The following ZFR2 variants were observed in gnomAD, a reference collection of about 807,000 sequenced individuals.
The protein encoded by ZFR2 is zinc finger RNA-binding protein 2.
In ZFR2, 104 loss-of-function variants were observed where a neutral mutation model predicts 105.7. The ratio of observed to expected loss-of-function variants is 0.98; its 90% CI spans 0.84 to 1.16. The LOEUF (loss-of-function observed/expected upper bound fraction) is 1.16, where lower values mean the gene tolerates loss of function less well. Ranked by LOEUF, ZFR2 falls within the 50% of genes most tolerant of loss-of-function variation. The pLI, the probability that ZFR2 is intolerant of heterozygous loss-of-function variation, is 0.00. For synonymous variants in ZFR2, 634 were observed against 597.7 expected, an observed-to-expected ratio of 1.06 and a Z score of -0.89; for missense variants, 1,425 against 1,355.5, an observed-to-expected ratio of 1.05 and a Z score of -0.80.
At chr19:3,809,500 C>T (rs2037738489) in intron 16 of ZFR2, among the ~76,000 whole-genome samples, 1 of 152,200 alleles carries the variant, frequency 6.6e-6, no homozygotes, top group Non-Finnish European at 1.5e-5. Flanking sequence ...CCTCCCACAG[C>T]ACTGTGTGGG....
Position 3,856,948 on chromosome 19 carries a change from C to A in ZFR2, c.53+12017G>T, listed in dbSNP as rs563330193. The A allele has an allele frequency of 3.6e-4, 55 of 152,050 alleles. 3 individuals are homozygous for A. 9.4% of individuals were successfully genotyped at this position (152,050 alleles called of 1,614,324 possible). A position where few individuals can be genotyped will look rare whatever the true frequency, so the allele number is the denominator to read the frequency against. On this transcript the variant is annotated intron_variant, in intron 1 of 18. Coordinates refer to ENST00000262961, the MANE Select transcript of ZFR2 (RefSeq NM_015174.2). ...TTTCACCATGTTGGCCAGGCTGGCT[C>A]GAACTCCTCACCTCAAGTGATCCGT...
At chr19:3,863,624 C>G (rs1471425976) in intron 1 of ZFR2, among the ~76,000 whole-genome samples, 2 of 152,136 alleles carry the variant, frequency 1.3e-5, no homozygotes, top group African/African-American at 4.8e-5. Context: ...GGATGTAGCC[C>G]TAAACCACTA....
At chr19:3,859,687 C>A (rs535732567) in intron 1 of ZFR2, among the ~76,000 whole-genome samples, 17 of 152,318 alleles carry the variant, frequency 1.1e-4, no homozygotes, top group African/African-American at 3.8e-4. Context: ...GAGGCTAATG[C>A]GTCCAGTCAA....
chr19:3,847,867 A>T (rs558936948), intron 1 of ZFR2, among the ~76,000 whole-genome samples: 28 of 152,118 alleles, frequency 1.8e-4, no homozygotes, highest in Non-Finnish European at 1.5e-4. Flanking sequence ...ATCAGGCTCC[A>T]CTCCTGGAGC....
chr19:3,862,672 C>T (rs1021597237), intron 1 of ZFR2, among the ~76,000 whole-genome samples: 3 of 152,214 alleles, frequency 2.0e-5, no homozygotes, highest in Admixed American at 6.5e-5. Context: ...TACCTAATTC[C>T]TTGTATAGGA....
intron 2 of ZFR2, 97 bp from the exon 3 acceptor site, chr19:3,833,875 G>C: frequency 1.1e-6 from 1 of 942,020 alleles, no homozygotes; most frequent in Middle Eastern, 3.1e-4. Context: ...TCTGCACTTA[G>C]TCCTTCCTGC....
chr19:3,843,255 G>GA (rs1358457024), intron 1 of ZFR2, among the ~76,000 whole-genome samples: 1 of 149,550 alleles, frequency 6.7e-6, no homozygotes, highest in East Asian at 2.0e-4. Context: ...CGGATCACTT[G>GA]AGGTCAGGAG....
Position 3,810,801 on chromosome 19 carries a change from G to A in ZFR2, c.2382C>T (p.Val794=), listed in dbSNP as rs2037755139. The change falls in exon 16 of 19, where the codon GTC becomes GTT. Residue 794 remains valine (V), a synonymous_variant. Coordinates refer to ENST00000262961, the MANE Select transcript of ZFR2 (RefSeq NM_015174.2). ...GLQPCVIVIR[V]LRDLCRRVPT... ...GCACACGCCGGCAGAGGTCCCTCAG[G>A]ACCCTGATGACGATCACGCATGGCT... 1.3e-6 allele frequency: 2 copies of A among 1,550,450 alleles called. No individual in the cohort carries two copies. The highest frequency in any genetic ancestry group is 1.7e-6 in the Non-Finnish European group (2 of 1,146,868).
At chr19:3,815,483 C>T (rs144866047) in intron 13 of ZFR2, among the ~76,000 whole-genome samples, 1 of 152,334 alleles carries the variant, frequency 6.6e-6, no homozygotes, top group Non-Finnish European at 1.5e-5. Flanking sequence ...ATTCAGTTGA[C>T]ATTTCACAGC....
intron 17 of ZFR2, among the ~76,000 whole-genome samples, chr19:3,808,184 C>CATGCACGTGCCTGTGT (rs1484308578): frequency 4.1e-5 from 6 of 147,244 alleles, no homozygotes; most frequent in African/African-American, 1.5e-4. Flanking sequence ...TGTGCGTGTG[C>CATGCACGTGCCTGTGT]ATGCACGTGC....
At position 3,838,900 on chromosome 19, in the gene ZFR2, C is replaced by T. The variant is rs548952238; in HGVS notation, c.54-3917G>A. ...CCAGCTGTCTCCCGGGGCCGCGGCA[C>T]GTGGCATGCAGCAGGGGCTCCATGC... is the stretch of plus-strand genomic sequence containing the variant. On this transcript the variant is annotated intron_variant, in intron 1 of 18. Transcript: ENST00000262961. The surrounding 1 kb of genome is among the most constrained non-coding windows in gnomAD (Gnocchi z 4.9). Among the ~76,000 whole-genome samples, 169 of 152,258 alleles carry T rather than the reference C, an allele frequency of 1.1e-3. No homozygotes were observed. The highest frequency in any genetic ancestry group is 1.9e-3 in the Non-Finnish European group (132 of 68,024).
chr19:3,827,346 G>A (rs924534791), intron 6 of ZFR2, 125 bp downstream of exon 6: 34 of 1,213,210 alleles, frequency 2.8e-5, no homozygotes, highest in Admixed American at 1.1e-4. Flanking sequence ...CCCTTGGGGC[G>A]CGCTCCACTT....
chr19:3,809,663 G>T (rs1171242751), intron 16 of ZFR2, among the ~76,000 whole-genome samples: 2 of 152,188 alleles, frequency 1.3e-5, no homozygotes, highest in Non-Finnish European at 2.9e-5. Flanking sequence ...AGTGTGAAAG[G>T]TCCGGCGCGG....
In ZFR2 at chr19:3,827,610, T is replaced by C. The variant is rs2037965904; in HGVS notation, c.896A>G (p.Glu299Gly). The C allele has an allele frequency of 1.3e-6, 2 of 1,582,518 alleles. No homozygotes were observed. The highest frequency in any genetic ancestry group is 2.3e-5 in the East Asian group (1 of 42,976). Residue 299 changes from glutamate (E) to glycine (G), a missense_variant, in exon 6 of 19, where the codon GAG becomes GGG. Transcript: ENST00000262961. ...HLGGQKHRKKEAAQKTGVQPN... is the reference protein window; with the variant it reads ...HLGGQKHRKKGAAQKTGVQPN... Reference sequence around the variant, plus strand: ...CTGCACGCCTGTCTTCTGGGCCGCCTCCTTCTTTCTGTGCTTCTGCCCTCC... The same window carrying C: ...CTGCACGCCTGTCTTCTGGGCCGCCCCCTTCTTTCTGTGCTTCTGCCCTCC...
At chr19:3,818,949 CCAT>C in intron 12 of ZFR2, 93 bp downstream of exon 12, 1 of 1,443,234 alleles carries the variant, frequency 6.9e-7, no homozygotes, top group African/African-American at 1.4e-5. Context: ...GGCTCCAGGC[CCAT>C]CAGAGCTAGG....
At chr19:3,809,954 A>AT (rs199761400) in intron 16 of ZFR2, among the ~76,000 whole-genome samples, 1 of 152,164 alleles carries the variant, frequency 6.6e-6, no homozygotes, top group Non-Finnish European at 1.5e-5. Context: ...CAAAAAAATG[A>AT]TTTTAAAAAA....
intron 9 of ZFR2, 107 bp downstream of exon 9, chr19:3,821,974 G>C (rs2037899103): frequency 3.5e-6 from 5 of 1,443,032 alleles, no homozygotes; most frequent in Admixed American, 2.6e-5. Context: ...TCCCTCTTAA[G>C]TTCGTCGGAT....
At position 3,819,255 on chromosome 19, in the gene ZFR2, G is replaced by A. The variant is rs575644719; in HGVS notation, c.1741-20C>T. 102 of 1,494,866 alleles carry A rather than the reference G, an allele frequency of 6.8e-5. No individual in the cohort carries two copies. The East Asian group carries it at 1.5e-3, about 22-fold the overall frequency. 92.6% of individuals were successfully genotyped at this position (1,494,866 alleles called of 1,614,324 possible). A position where few individuals can be genotyped will look rare whatever the true frequency, so the allele number is the denominator to read the frequency against. On this transcript the variant is annotated intron_variant, in intron 11 of 18. Transcript: ENST00000262961. ...CCCGGGCTGTGGGGAGAGGCCGCACGTGTCAAGGGTGGTCTGTGGGGACCC... is the reference window on the plus strand; with the variant it reads ...CCCGGGCTGTGGGGAGAGGCCGCACATGTCAAGGGTGGTCTGTGGGGACCC...
chr19:3,868,378 C>A (rs1280641526), intron 1 of ZFR2, among the ~76,000 whole-genome samples: 1 of 149,240 alleles, frequency 6.7e-6, no homozygotes, highest in Non-Finnish European at 1.5e-5. Context: ...CCTCCCCCCG[C>A]AATCGGGGGT....
Sources: gnomAD v4.1 joint callset for allele counts (sites outside exome capture counted in the v4.1 genomes callset) on GRCh38, gnomAD v4.1.1 for gene constraint, Gnocchi (gnomAD v3.1) non-coding constraint, MANE v1.5 for transcripts, NCBI Gene and HGNC (gene_info 2026-07-23, HGNC 2026-07-21) for gene names.